FBLN7: variants seen among roughly 807,000 people sequenced by gnomAD.
The protein encoded by FBLN7 is fibulin-7.
In FBLN7, 31 loss-of-function variants were observed where a neutral mutation model predicts 44.0. The ratio of observed to expected loss-of-function variants is 0.70; its 90% CI spans 0.53 to 0.95. FBLN7 has a LOEUF of 0.95. Ranked by LOEUF, FBLN7 falls within the 40% of genes least tolerant of loss-of-function variation. The pLI is 0.00. For missense variants in FBLN7, 573 were observed against 618.5 expected, an observed-to-expected ratio of 0.93 and a Z score of 0.78; for synonymous variants, 262 against 253.4, an observed-to-expected ratio of 1.03 and a Z score of -0.32.
chr2:112,183,612 C>T (rs896703250), intron 6 of FBLN7, among the ~76,000 whole-genome samples: 1 of 152,142 alleles, frequency 6.6e-6, no homozygotes, highest in Non-Finnish European at 1.5e-5. Context: ...TTTGCCAACC[C>T]CAGCTAAAAA....
At chr2:112,160,760 GCA>G (rs1328466860) in intron 2 of FBLN7, among the ~76,000 whole-genome samples, 23 of 76,630 alleles carry the variant, frequency 3.0e-4, no homozygotes, top group South Asian at 2.6e-3. Context: ...ACGCACACAC[GCA>G]CGCACACGCA....
chr2:112,143,425 C>T (rs1396690807), intron 1 of FBLN7, among the ~76,000 whole-genome samples: 1 of 152,214 alleles, frequency 6.6e-6, no homozygotes, highest in African/African-American at 2.4e-5. Context: ...CCCTGACCCT[C>T]TCCCTGTGAT....
chr2:112,168,660 G>A (rs899339830), intron 3 of FBLN7, among the ~76,000 whole-genome samples: 4 of 152,174 alleles, frequency 2.6e-5, no homozygotes, highest in African/African-American at 7.2e-5. Context: ...TAAGGGTGTG[G>A]ACGGGACACA....
At chr2:112,201,616 G>A in the FBLN7 span, among the ~76,000 whole-genome samples, 15,725 of 152,224 alleles carry the variant, frequency 0.1, 1,077 homozygotes, top group South Asian at 0.15. Flanking sequence ...CAGGAGCCAG[G>A]GGAGGTTGGG....
intron 1 of FBLN7, among the ~76,000 whole-genome samples, chr2:112,153,668 G>A (rs1175200029): frequency 1.3e-5 from 2 of 152,164 alleles, no homozygotes; most frequent in East Asian, 1.9e-4. Flanking sequence ...CGGGTGAGCC[G>A]GGGGACACAC....
intron 4 of FBLN7, among the ~76,000 whole-genome samples, chr2:112,179,502 C>T (rs1374813932): frequency 6.6e-6 from 1 of 152,084 alleles, no homozygotes; most frequent in Non-Finnish European, 1.5e-5. Flanking sequence ...CTTTAACATG[C>T]ATATGGAACC....
At chr2:112,175,406 G>C (rs539192389) in intron 3 of FBLN7, among the ~76,000 whole-genome samples, 72 of 152,364 alleles carry the variant, frequency 4.7e-4, no homozygotes, top group Non-Finnish European at 5.7e-4. Context: ...TTGCAAATTA[G>C]AAAATGGTGC....
In FBLN7 at chr2:112,181,903, G is replaced by A. The variant is rs548509268; in HGVS notation, c.670+27G>A. On this transcript the variant is annotated intron_variant, in intron 5 of 7. Coordinates refer to ENST00000331203, the MANE Select transcript of FBLN7 (RefSeq NM_153214.3). Reference sequence around the variant, plus strand: ...TAGGCGCGGGCTCCGCCAGGACACTGGGGACAGCACGGGGAGGACATGGGG... The same window carrying A: ...TAGGCGCGGGCTCCGCCAGGACACTAGGGACAGCACGGGGAGGACATGGGG... 2.7e-5 allele frequency: 41 copies of A among 1,532,478 alleles called. 1 individual carries two copies. The South Asian group carries it at 4.6e-4, about 17-fold the overall frequency. 94.9% of individuals were successfully genotyped at this position (1,532,478 alleles called of 1,614,324 possible). A position where few individuals can be genotyped will look rare whatever the true frequency, so the allele number is the denominator to read the frequency against.
downstream of FBLN7, among the ~76,000 whole-genome samples, chr2:112,192,751 C>T (rs1462418104): frequency 6.6e-6 from 1 of 152,220 alleles, no homozygotes; most frequent in Non-Finnish European, 1.5e-5. Flanking sequence ...CAAGCTCTCA[C>T]TGCAGGGATG....
chr2:112,242,019 C>T, the FBLN7 span, among the ~76,000 whole-genome samples: 1 of 152,198 alleles, frequency 6.6e-6, no homozygotes, highest in African/African-American at 2.4e-5. Context: ...ACTCACTCAC[C>T]ACCCAGTCAG....
chr2:112,202,528 A>G, the FBLN7 span, among the ~76,000 whole-genome samples: 7 of 152,264 alleles, frequency 4.6e-5, no homozygotes, highest in South Asian at 1.4e-3. Flanking sequence ...CCTCTGGAAC[A>G]GCAGAGTAAA....
chr2:112,181,834 G>A lies in FBLN7; in HGVS notation c.628G>A (p.Gly210Arg), dbSNP rs200955793. Residue 210 changes from glycine to arginine, a missense_variant, in exon 5 of 8, where the codon GGA (glycine) becomes AGA (arginine). Coordinates refer to ENST00000331203, the MANE Select transcript of FBLN7 (RefSeq NM_153214.3). Reference protein sequence around the residue: ...ERAQHCSCEAGFHLSGAAGDS... With the variant: ...ERAQHCSCEARFHLSGAAGDS... ...GGCTCAGCACTGCAGCTGCGAGGCC[G>A]GATTCCACCTGAGCGGCGCCGCCGG... The A allele has an allele frequency of 6.6e-7, 1 of 1,522,894 alleles. No homozygotes were observed. The highest frequency in any genetic ancestry group is 1.2e-5 in the South Asian group (1 of 83,706). 94.3% of individuals were successfully genotyped at this position (1,522,894 alleles called of 1,614,324 possible). A position where few individuals can be genotyped will look rare whatever the true frequency, so the allele number is the denominator to read the frequency against.
At chr2:112,181,983 C>T (rs1479130631) in intron 5 of FBLN7, 107 bp downstream of exon 5, 2 of 1,391,994 alleles carry the variant, frequency 1.4e-6, no homozygotes, top group South Asian at 1.4e-5. Context: ...GCTTCCTGCG[C>T]GCGGTCTCAG....
chr2:112,206,869 A>G, the FBLN7 span, among the ~76,000 whole-genome samples: 56 of 151,896 alleles, frequency 3.7e-4, no homozygotes, highest in African/African-American at 1.3e-3. Context: ...AGTAGCTGGA[A>G]CCACAGGTGC....
Position 112,187,117 on chromosome 2 carries a change from T to G in FBLN7, c.948-17T>G. The G allele has an allele frequency of 6.2e-7, 1 of 1,610,924 alleles. No individual in the cohort carries two copies. Among genetic ancestry groups the G allele is most frequent in the Non-Finnish European group, 8.5e-7 (1 of 1,177,944 alleles). Reference sequence around the variant, plus strand: ...CTCCCCAAGGCTGACTGCCTCCATTTTGCCTCTCCGCTCCAGCCAGTGTGA... The same window carrying G: ...CTCCCCAAGGCTGACTGCCTCCATTGTGCCTCTCCGCTCCAGCCAGTGTGA... On this transcript the variant is annotated splice_polypyrimidine_tract_variant and intron_variant, in intron 7 of 7. Transcript: ENST00000331203. The surrounding 1 kb of genome is among the most constrained non-coding windows in gnomAD (Gnocchi z 5.1).
intron 7 of FBLN7, among the ~76,000 whole-genome samples, chr2:112,186,492 T>C (rs1163219477): frequency 6.6e-6 from 1 of 151,962 alleles, no homozygotes. Flanking sequence ...ATACAAAAAT[T>C]AGCTGGGCGT....
the FBLN7 span, chr2:112,216,419 GTCTTGAACAC>G: frequency 6.6e-6 from 1 of 152,274 alleles, no homozygotes; most frequent in South Asian, 2.1e-4. Context: ...GTCTTGAACA[GTCTTGAACAC>G]GCATGGGCGT....
the FBLN7 span, among the ~76,000 whole-genome samples, chr2:112,203,725 C>G: frequency 6.6e-6 from 1 of 152,160 alleles, no homozygotes; most frequent in African/African-American, 2.4e-5. Flanking sequence ...TTTAATTGGA[C>G]TTACAGTTCC....
At chr2:112,145,379 C>T (rs747677965) in intron 1 of FBLN7, among the ~76,000 whole-genome samples, 24 of 152,098 alleles carry the variant, frequency 1.6e-4, no homozygotes, top group Non-Finnish European at 2.6e-4. Flanking sequence ...TCGAGTGACC[C>T]TCCTGCCTCA....
Sources: gnomAD v4.1 joint callset for allele counts (sites outside exome capture counted in the v4.1 genomes callset) on GRCh38, gnomAD v4.1.1 for gene constraint, Gnocchi (gnomAD v3.1) non-coding constraint, MANE v1.5 for transcripts, NCBI Gene and HGNC (gene_info 2026-07-23, HGNC 2026-07-21) for gene names.